Variants in AP1S3 observed in about 807,000 individuals in gnomAD.
AP1S3 encodes adaptor related protein complex 1 subunit sigma 3.
A neutral mutation model predicts 20.9 loss-of-function variants in AP1S3; 10 were observed. That is an observed-to-expected ratio of 0.48 (90% CI 0.29 to 0.81). The LOEUF (loss-of-function observed/expected upper bound fraction) is 0.81. Among genes scored for constraint, AP1S3 ranks in the 30% least tolerant of loss-of-function variants. AP1S3 has a pLI of 0.08. For missense variants in AP1S3, 154 were observed against 183.8 expected, an observed-to-expected ratio of 0.84 and a Z score of 0.94; for synonymous variants, 41 against 61.5, an observed-to-expected ratio of 0.67 and a Z score of 1.56.
intron 1 of AP1S3, among the ~76,000 whole-genome samples, chr2:223,805,163 AT>A (rs1315917471): frequency 6.6e-6 from 1 of 152,300 alleles, no homozygotes; most frequent in African/African-American, 2.4e-5. Flanking sequence ...TATGGGCCAG[AT>A]GCCGAGGCTC....
chr2:223,807,697 T>TTCC (rs1358712989), intron 1 of AP1S3, among the ~76,000 whole-genome samples: 10 of 152,094 alleles, frequency 6.6e-5, no homozygotes, highest in Non-Finnish European at 1.0e-4. Context: ...TCCCCTCTTG[T>TTCC]TCCTGCTCCC....
chr2:223,770,306 A>C, intron 3 of AP1S3: 1 of 1,550,562 alleles, frequency 6.4e-7, no homozygotes, highest in Admixed American at 2.0e-5. Flanking sequence ...CCTCATTAGG[A>C]GAAACCAGCA....
chr2:223,781,159 T>C (rs1446773734), intron 1 of AP1S3, among the ~76,000 whole-genome samples: 1 of 152,140 alleles, frequency 6.6e-6, no homozygotes, highest in Non-Finnish European at 1.5e-5. Flanking sequence ...GGTATATATG[T>C]ATATTACCAT....
chr2:223,761,254 T>G (rs771911672), intron 4 of AP1S3, among the ~76,000 whole-genome samples: 109 of 152,248 alleles, frequency 7.2e-4, no homozygotes, highest in Non-Finnish European at 1.5e-4. Context: ...GCTGTGTTTC[T>G]TATGCATATA....
At chr2:223,782,011 CT>C (rs35909928) in intron 1 of AP1S3, among the ~76,000 whole-genome samples, 457 of 128,344 alleles carry the variant, frequency 3.6e-3, no homozygotes, top group Middle Eastern at 8.1e-3. Context: ...GGCTTTAAGT[CT>C]TTTTTTTTTT....
chr2:223,786,592 C>T (rs1396695147), intron 1 of AP1S3, among the ~76,000 whole-genome samples: 1 of 147,522 alleles, frequency 6.8e-6, no homozygotes, highest in Non-Finnish European at 1.5e-5. Flanking sequence ...TGTGTCTCTA[C>T]AAAAAAAAAG....
At position 223,777,688 on chromosome 2, in the gene AP1S3, C is replaced by A. The variant is rs1487251635; in HGVS notation, c.182+3G>T. 2.5e-6 allele frequency: 4 copies of A among 1,611,186 alleles called. No homozygotes were observed. Among genetic ancestry groups the A allele is most frequent in the Non-Finnish European group, 3.4e-6 (4 of 1,179,014 alleles). On this transcript the variant is annotated splice_donor_region_variant and intron_variant, in intron 2 of 4. Transcript: ENST00000396654. ...AATTGAGCTCTCAAAAAGTTACTCACACCTTTTATAAACAAGTTTTAGCTC... is the reference window on the plus strand; with the variant it reads ...AATTGAGCTCTCAAAAAGTTACTCAAACCTTTTATAAACAAGTTTTAGCTC...
intron 1 of AP1S3, among the ~76,000 whole-genome samples, chr2:223,780,296 TATATATATATATAGAGAGAGAGAG>T (rs1244958344): frequency 4.0e-4 from 20 of 50,434 alleles, no homozygotes; most frequent in Admixed American, 1.0e-3. Flanking sequence ...TATATATATA[TATATATATATATAGAGAGAGAGAG>T]AGAGAGAGAG....
At chr2:223,780,505 A>G (rs1471321549) in intron 1 of AP1S3, among the ~76,000 whole-genome samples, 2 of 151,196 alleles carry the variant, frequency 1.3e-5, no homozygotes, top group African/African-American at 4.9e-5. Flanking sequence ...AGCTCACTGC[A>G]GCTTCAGCCT....
intron 3 of AP1S3, among the ~76,000 whole-genome samples, chr2:223,771,693 A>C (rs1690630639): frequency 6.6e-6 from 1 of 152,254 alleles, no homozygotes; most frequent in African/African-American, 2.4e-5. Context: ...TTTGGACAGA[A>C]TCTAAGAAGC....
At chr2:223,774,090 GGCAGTGGCTCATGCCTGT>G (rs1690702425) in intron 3 of AP1S3, among the ~76,000 whole-genome samples, 1 of 152,158 alleles carries the variant, frequency 6.6e-6, no homozygotes, top group Admixed American at 6.5e-5. Context: ...GTAGGCTGGA[GGCAGTGGCTCATGCCTGT>G]AATCCCAGCA....
At chr2:223,804,890 G>C (rs1313937815) in intron 1 of AP1S3, among the ~76,000 whole-genome samples, 1 of 152,200 alleles carries the variant, frequency 6.6e-6, no homozygotes, top group African/African-American at 2.4e-5. Flanking sequence ...GTGTTACAGG[G>C]AATTGGCAGA....
intron 1 of AP1S3, among the ~76,000 whole-genome samples, chr2:223,784,825 T>C (rs1475215579): frequency 6.6e-6 from 1 of 152,124 alleles, no homozygotes; most frequent in South Asian, 2.1e-4. Context: ...ATAGGGAGAC[T>C]GCATCTCTAC....
In AP1S3 at chr2:223,832,864, T is replaced by C. The variant is rs1692308997; in HGVS notation, c.3+4584A>G. 2.0e-5 allele frequency among the ~76,000 whole-genome samples: 3 copies of C among 151,170 alleles called. No individual in the cohort carries two copies. The South Asian group carries it at 6.3e-4, about 32-fold the overall frequency. On this transcript the variant is annotated intron_variant, in intron 1 of 4. Coordinates refer to ENST00000396654, the MANE Select transcript of AP1S3 (RefSeq NM_001039569.2). ...ACTCCTACTATTTCAAACTTAAATA[T>C]CTTCTGAATAAGAAATGGCTTTCCA...
At chr2:223,799,705 C>T (rs1033319910) in intron 1 of AP1S3, among the ~76,000 whole-genome samples, 4 of 152,108 alleles carry the variant, frequency 2.6e-5, no homozygotes, top group Non-Finnish European at 5.9e-5. Flanking sequence ...CATTCCTAGA[C>T]TCACAAAATT....
intron 4 of AP1S3, among the ~76,000 whole-genome samples, chr2:223,761,495 G>A (rs1690352477): frequency 6.6e-6 from 1 of 151,970 alleles, no homozygotes; most frequent in Non-Finnish European, 1.5e-5. Context: ...TGCGATTACC[G>A]CTCACTGCAG....
chr2:223,799,862 C>T (rs1158356099), intron 1 of AP1S3, among the ~76,000 whole-genome samples: 1 of 152,140 alleles, frequency 6.6e-6, no homozygotes, highest in African/African-American at 2.4e-5. Flanking sequence ...GAATTACACA[C>T]TACAAGCAAG....
At chr2:223,837,352 C>T (rs929825944) in intron 1 of AP1S3, 96 bp downstream of exon 1, 3 of 637,618 alleles carry the variant, frequency 4.7e-6, no homozygotes, top group Non-Finnish European at 6.6e-6. Flanking sequence ...CCCGCACCCC[C>T]ACCCGGCCGC....
chr2:223,832,722 T>A (rs1349715878), intron 1 of AP1S3, among the ~76,000 whole-genome samples: 2 of 151,938 alleles, frequency 1.3e-5, no homozygotes, highest in Non-Finnish European at 2.9e-5. Flanking sequence ...TGGCAGGACC[T>A]ACAGGTTCAT....
Sources: allele counts gnomAD v4.1 joint callset (sites outside exome capture counted in the v4.1 genomes callset), GRCh38; gene constraint gnomAD v4.1.1; transcripts MANE v1.5; gene names NCBI Gene and HGNC (gene_info 2026-07-23, HGNC 2026-07-21).